CELF1: variants seen among roughly 807,000 people sequenced by gnomAD.
The protein encoded by CELF1 is CUGBP Elav-like family member 1.
Under a neutral mutation model 61.8 loss-of-function variants are expected in CELF1, and 10 were observed. The observed-to-expected ratio is 0.16, with a 90% CI of 0.10 to 0.27. The LOEUF (loss-of-function observed/expected upper bound fraction) is 0.27, where lower values mean the gene tolerates loss of function less well. CELF1 is among the 10% of genes least tolerant of loss of function. The pLI, the probability that CELF1 is intolerant of heterozygous loss-of-function variation, is 1.00. For synonymous variants in CELF1, 236 were observed against 225.1 expected (o/e 1.05, Z -0.43); for missense variants, 380 against 639.1 (o/e 0.59, Z 4.37).
chr11:47,490,586 G>A (rs7945021), intron 3 of CELF1, among the ~76,000 whole-genome samples: 6,443 of 151,796 alleles, frequency 0.042, 118 homozygotes, highest in Middle Eastern at 0.065. Flanking sequence ...ACCACCATGC[G>A]TGGTTAATTT....
chr11:47,549,115 T>C lies in CELF1; in HGVS notation c.-154+3877A>G, dbSNP rs537267314. Among the ~76,000 whole-genome samples the C allele has an allele frequency of 5.9e-5, 9 of 152,178 alleles. No homozygotes were observed. The East Asian group carries it at 1.3e-3, about 23-fold the overall frequency. Reference sequence around the variant, plus strand: ...ATGGCCATGAAAAAATAAAAAGTATTGTCAAGGATGTAGAGAAACTGGAAC... The same window carrying C: ...ATGGCCATGAAAAAATAAAAAGTATCGTCAAGGATGTAGAGAAACTGGAAC... On this transcript the variant is annotated intron_variant, in intron 1 of 14. Coordinates refer to ENST00000687097, the MANE Select transcript of CELF1 (RefSeq NM_001376376.1).
chr11:47,559,915 T>C (rs1273825033), intron 2 of CELF1, among the ~76,000 whole-genome samples: 1 of 150,760 alleles, frequency 6.6e-6, no homozygotes, highest in African/African-American at 2.4e-5. Context: ...GCCAGGAGAA[T>C]CGCTTGAACC....
At chr11:47,513,134 G>C (rs376493341) in intron 1 of CELF1, among the ~76,000 whole-genome samples, 1 of 152,170 alleles carries the variant, frequency 6.6e-6, no homozygotes. Flanking sequence ...CTCTAAACAA[G>C]TTTTTAAACA....
chr11:47,479,426 C>CATTTCATTTGATATTT (rs1565758987), intron 9 of CELF1, among the ~76,000 whole-genome samples: 1 of 152,216 alleles, frequency 6.6e-6, no homozygotes, highest in Non-Finnish European at 1.5e-5. Flanking sequence ...AATATCAAAT[C>CATTTCATTTGATATTT]TAAACATTTC....
At chr11:47,481,101 T>TA (rs2082917105) in intron 9 of CELF1, among the ~76,000 whole-genome samples, 2 of 103,744 alleles carry the variant, frequency 1.9e-5, no homozygotes, top group Non-Finnish European at 1.9e-5. Flanking sequence ...TTTTTCTTCT[T>TA]CTTTTTTTTT....
intron 1 of CELF1, among the ~76,000 whole-genome samples, chr11:47,512,528 C>G (rs1404698525): frequency 1.4e-5 from 2 of 146,072 alleles, no homozygotes; most frequent in Non-Finnish European, 3.0e-5. Context: ...TTAGTAGAGA[C>G]AGAGTCTGGC....
chr11:47,482,453 A>C (rs2083882762), intron 9 of CELF1: 1 of 323,692 alleles, frequency 3.1e-6, no homozygotes, highest in Non-Finnish European at 5.6e-6. Context: ...GGAAACCAGG[A>C]ATTCACTTTA....
At chr11:47,558,558 T>G (rs1264202649) in intron 2 of CELF1, among the ~76,000 whole-genome samples, 29 of 115,060 alleles carry the variant, frequency 2.5e-4, no homozygotes, top group African/African-American at 8.4e-4. Flanking sequence ...TTATATATAT[T>G]TATATATAAT....
intron 1 of CELF1, among the ~76,000 whole-genome samples, chr11:47,540,559 C>T (rs535470728): frequency 6.6e-6 from 1 of 152,270 alleles, no homozygotes; most frequent in East Asian, 1.9e-4. Context: ...CTCCTCGGCC[C>T]CCACGAGACT....
Position 47,467,216 on chromosome 11 carries a change from C to T in CELF1, c.*5014G>A, listed in dbSNP as rs2076819488. 6.6e-6 allele frequency: 1 copy of T among 152,602 alleles called. No individual in the cohort carries two copies. The highest frequency in any genetic ancestry group is 6.5e-5 in the Admixed American group (1 of 15,268). The allele number at this position is 152,602 out of a possible 1,614,324, so 9.5% of individuals were successfully genotyped here. ...TATCATCAGCTCCTCCCCCTGTAAC[C>T]TCTTCCCTCCACAGATCCACCCTGT... On this transcript the variant is annotated 3_prime_UTR_variant, in exon 15 of 15. Transcript: ENST00000687097.
intron 3 of CELF1, among the ~76,000 whole-genome samples, chr11:47,490,286 T>C (rs2090733788): frequency 6.6e-6 from 1 of 152,104 alleles, no homozygotes; most frequent in Admixed American, 6.6e-5. Flanking sequence ...TAAATTTAAC[T>C]CTGAACATTT....
chr11:47,492,572 A>T (rs1007108654), intron 3 of CELF1, among the ~76,000 whole-genome samples: 1 of 152,204 alleles, frequency 6.6e-6, no homozygotes, highest in African/African-American at 2.4e-5. Flanking sequence ...CTACCAAAAA[A>T]TACAAAGCAA....
chr11:47,507,172 A>T (rs1296417205), intron 1 of CELF1, among the ~76,000 whole-genome samples: 1 of 152,242 alleles, frequency 6.6e-6, no homozygotes, highest in Non-Finnish European at 1.5e-5. Flanking sequence ...GTCGTAACAA[A>T]TAGCAAAACA....
chr11:47,508,628 G>A (rs1224316314), intron 1 of CELF1, among the ~76,000 whole-genome samples: 2 of 147,970 alleles, frequency 1.4e-5, no homozygotes, highest in African/African-American at 5.0e-5. Flanking sequence ...CATAAACAGG[G>A]TATCATCCTA....
At chr11:47,487,105 T>A in intron 5 of CELF1, 54 bp downstream of exon 5, 1 of 1,311,474 alleles carries the variant, frequency 7.6e-7, no homozygotes, top group Non-Finnish European at 1.1e-6. Context: ...TGTGTAAGTA[T>A]ATCCCACATA....
chr11:47,495,303 ATG>A (rs2092859957), intron 3 of CELF1, among the ~76,000 whole-genome samples: 1 of 152,216 alleles, frequency 6.6e-6, no homozygotes, highest in South Asian at 2.1e-4. Context: ...CACATAGTAT[ATG>A]TTACCATTTA....
intron 1 of CELF1, among the ~76,000 whole-genome samples, chr11:47,542,767 G>A (rs2096841683): frequency 1.3e-5 from 2 of 152,038 alleles, no homozygotes; most frequent in South Asian, 4.1e-4. Flanking sequence ...CAAAGTGCTG[G>A]GATTAAAGGC....
At chr11:47,508,683 C>G (rs1195182598) in intron 1 of CELF1, among the ~76,000 whole-genome samples, 2 of 150,942 alleles carry the variant, frequency 1.3e-5, no homozygotes, top group African/African-American at 2.4e-5. Flanking sequence ...CAAACACACA[C>G]ACACACACAC....
At position 47,548,298 on chromosome 11, in the gene CELF1, CAA is replaced by C. The variant is rs368036214; in HGVS notation, c.-154+4692_-154+4693del. Among the ~76,000 whole-genome samples the C allele has an allele frequency of 1.9e-3, 288 of 148,996 alleles. 1 individual carries two copies. Among genetic ancestry groups the C allele is most frequent in the Middle Eastern group, 0.014 (4 of 286 alleles). On this transcript the variant is annotated intron_variant, in intron 1 of 14. Transcript: ENST00000687097. ...TGGGTGACAGAGTGAGACTCCGTCT[CAA>C]AAAAAAAGGTTAAAACAACCTAAAT...
Sources: gnomAD v4.1 joint callset for allele counts (sites outside exome capture counted in the v4.1 genomes callset) on GRCh38, gnomAD v4.1.1 for gene constraint, MANE v1.5 for transcripts, NCBI Gene and HGNC (gene_info 2026-07-23, HGNC 2026-07-21) for gene names.